ITGA8: variants seen among roughly 807,000 people sequenced by gnomAD.
The protein encoded by ITGA8 is integrin alpha-8.
In ITGA8, 91 loss-of-function variants were observed where a neutral mutation model predicts 142.3. The ratio of observed to expected loss-of-function variants is 0.64; its 90% CI spans 0.54 to 0.76. The LOEUF is 0.76. Among genes scored for constraint, ITGA8 ranks in the 30% least tolerant of loss-of-function variants. The probability of loss-of-function intolerance (pLI) is 0.00; values close to 1 mark genes in which losing one functional copy is unlikely to be tolerated. For missense variants in ITGA8, 1,406 were observed against 1,327.7 expected (o/e 1.06, Z -0.92); for synonymous variants, 505 against 485.2 (o/e 1.04, Z -0.54).
At chr10:15,559,683 G>A (rs1379667376) in intron 25 of ITGA8, among the ~76,000 whole-genome samples, 2 of 152,054 alleles carry the variant, frequency 1.3e-5, no homozygotes, top group African/African-American at 2.4e-5. Flanking sequence ...GGACGTGGAT[G>A]GAACTGGAAG....
intron 15 of ITGA8, among the ~76,000 whole-genome samples, chr10:15,612,304 C>G (rs1242130136): frequency 6.6e-6 from 1 of 152,172 alleles, no homozygotes; most frequent in Non-Finnish European, 1.5e-5. Flanking sequence ...GTATGAACTC[C>G]TGTCAAAAGG....
intron 25 of ITGA8, among the ~76,000 whole-genome samples, chr10:15,560,331 G>C (rs1343779822): frequency 6.6e-6 from 1 of 152,126 alleles, no homozygotes; most frequent in East Asian, 1.9e-4. Context: ...CCTTTTATGA[G>C]GACAGATTGG....
intron 14 of ITGA8, among the ~76,000 whole-genome samples, chr10:15,615,100 T>A (rs965515771): frequency 2.0e-5 from 3 of 152,160 alleles, no homozygotes; most frequent in African/African-American, 7.2e-5. Context: ...GTGTTCTTGT[T>A]GTGTCCGCTA....
intron 11 of ITGA8, among the ~76,000 whole-genome samples, chr10:15,647,478 C>T (rs1175376628): frequency 1.3e-4 from 13 of 103,836 alleles, no homozygotes; most frequent in Non-Finnish European, 1.8e-4. Context: ...TTTTTTGAGA[C>T]GGAGTCTCGC....
intron 28 of ITGA8, among the ~76,000 whole-genome samples, chr10:15,529,175 C>G (rs1833242615): frequency 6.6e-6 from 1 of 152,106 alleles, no homozygotes; most frequent in Non-Finnish European, 1.5e-5. Flanking sequence ...ACCTTGAACT[C>G]CAGGGCTCAA....
chr10:15,716,318 A>T lies in ITGA8; in HGVS notation c.343+2448T>A, dbSNP rs192429449. Among the ~76,000 whole-genome samples the T allele has an allele frequency of 3.1e-4, 47 of 152,344 alleles. No individual in the cohort carries two copies. The East Asian group carries it at 8.7e-3, about 28-fold the overall frequency. ...CATTCATCTATTTATCAAGTAAACC[A>T]CTATATATTTGGAAGTAAAATAAGA... On this transcript the variant is annotated intron_variant, in intron 2 of 29. Coordinates refer to ENST00000378076, the MANE Select transcript of ITGA8 (RefSeq NM_003638.3).
intron 13 of ITGA8, among the ~76,000 whole-genome samples, chr10:15,621,540 G>T (rs1025355464): frequency 2.6e-5 from 4 of 152,180 alleles, no homozygotes; most frequent in African/African-American, 7.2e-5. Context: ...ATTTGGGAAA[G>T]AAATTTTAGT....
At chr10:15,532,752 C>CT (rs34704768) in intron 27 of ITGA8, among the ~76,000 whole-genome samples, 78,242 of 151,766 alleles carry the variant, frequency 0.52, 23,792 homozygotes, top group Non-Finnish European at 0.67. Context: ...CATTTCAAGA[C>CT]TTTTGGGTGC....
intron 11 of ITGA8, among the ~76,000 whole-genome samples, chr10:15,653,831 CT>C (rs111283505): frequency 0.88 from 114,081 of 130,030 alleles, 50,198 homozygotes; most frequent in South Asian, 0.95. Flanking sequence ...TTTCTTTTTT[CT>C]TTTTTTTTTT....
chr10:15,694,573 AAT>A (rs1451868209), intron 2 of ITGA8, among the ~76,000 whole-genome samples: 3 of 138,268 alleles, frequency 2.2e-5, no homozygotes, highest in Non-Finnish European at 3.1e-5. Flanking sequence ...TAATATATAA[AAT>A]ATATAAAATA....
chr10:15,674,822 C>T (rs1834595466), intron 6 of ITGA8, among the ~76,000 whole-genome samples: 4 of 151,952 alleles, frequency 2.6e-5, no homozygotes. Context: ...CAACTTTAGT[C>T]CCAGCTACTC....
chr10:15,517,805 C>T (rs1832991072), intron 29 of ITGA8, among the ~76,000 whole-genome samples: 1 of 152,248 alleles, frequency 6.6e-6, no homozygotes, highest in African/African-American at 2.4e-5. Context: ...TGGAAGATGT[C>T]CCTCTTTCAT....
At chr10:15,527,700 G>A (rs1456280611) in intron 28 of ITGA8, among the ~76,000 whole-genome samples, 1 of 152,082 alleles carries the variant, frequency 6.6e-6, no homozygotes, top group Non-Finnish European at 1.5e-5. Flanking sequence ...CTCAAGAGAT[G>A]GCTGAATTAT....
At chr10:15,645,761 AC>A (rs948566510) in intron 12 of ITGA8, among the ~76,000 whole-genome samples, 1 of 152,106 alleles carries the variant, frequency 6.6e-6, no homozygotes, top group African/African-American at 2.4e-5. Context: ...TAACTAAAGA[AC>A]CTGAAGTGCA....
At chr10:15,620,391 C>T (rs10508489) in intron 13 of ITGA8, among the ~76,000 whole-genome samples, 12,232 of 152,014 alleles carry the variant, frequency 0.08, 539 homozygotes, top group Middle Eastern at 0.13. Flanking sequence ...TGTCATTATA[C>T]GTGAGAATTT....
At chr10:15,643,844 G>A (rs1241661599) in intron 13 of ITGA8, among the ~76,000 whole-genome samples, 186 bp downstream of exon 13, 1 of 152,166 alleles carries the variant, frequency 6.6e-6, no homozygotes, top group Non-Finnish European at 1.5e-5. Flanking sequence ...AGAAGGAAGC[G>A]TGTGTTTGTC....
chr10:15,592,082 C>A lies in ITGA8; in HGVS notation c.2291+143G>T, dbSNP rs995081055. ...AAATTACTGAAACAATTGAGAAAAACAAAGAAGAAATGGGCTGTGAAAGTC... is the reference window on the plus strand; with the variant it reads ...AAATTACTGAAACAATTGAGAAAAAAAAAGAAGAAATGGGCTGTGAAAGTC... On this transcript the variant is annotated intron_variant, in intron 22 of 29. Transcript: ENST00000378076. 4 of 547,820 alleles carry A rather than the reference C, an allele frequency of 7.3e-6. No individual in the cohort carries two copies. In the Middle Eastern group the frequency reaches 8.3e-4, roughly 113 times the overall value. The allele number at this position is 547,820 out of a possible 1,614,324, so 33.9% of individuals were successfully genotyped here.
intron 2 of ITGA8, among the ~76,000 whole-genome samples, chr10:15,717,400 T>C (rs1157966436): frequency 6.6e-6 from 1 of 152,202 alleles, no homozygotes; most frequent in Non-Finnish European, 1.5e-5. Flanking sequence ...TGTTTAAATG[T>C]TTAATTCTTT....
At chr10:15,533,527 G>A (rs1359975521) in intron 27 of ITGA8, among the ~76,000 whole-genome samples, 1 of 152,184 alleles carries the variant, frequency 6.6e-6, no homozygotes, top group Non-Finnish European at 1.5e-5. Flanking sequence ...CTAGTAATGA[G>A]ATCTTGTGGG....
Sources: allele counts gnomAD v4.1 joint callset (sites outside exome capture counted in the v4.1 genomes callset), GRCh38; gene constraint gnomAD v4.1.1; transcripts MANE v1.5; gene names NCBI Gene and HGNC (gene_info 2026-07-23, HGNC 2026-07-21).